IMMP2L: variants seen among roughly 807,000 people sequenced by gnomAD.
IMMP2L encodes inner mitochondrial membrane peptidase subunit 2.
A neutral mutation model predicts 19.3 loss-of-function variants in IMMP2L; 18 were observed. The observed-to-expected ratio is 0.93, with a 90% CI of 0.64 to 1.38. The LOEUF (loss-of-function observed/expected upper bound fraction) is 1.38, where lower values mean the gene tolerates loss of function less well. Ranked by LOEUF, IMMP2L falls within the 40% of genes most tolerant of loss-of-function variation. The probability of loss-of-function intolerance (pLI) is 0.00; values close to 1 mark genes in which losing one functional copy is unlikely to be tolerated. For missense variants in IMMP2L, 233 were observed against 218.2 expected, an observed-to-expected ratio of 1.07 and a Z score of -0.43; for synonymous variants, 76 against 73.0, an observed-to-expected ratio of 1.04 and a Z score of -0.21.
chr7:111,223,589 T>C (rs1445186314), intron 3 of IMMP2L, among the ~76,000 whole-genome samples: 1 of 152,148 alleles, frequency 6.6e-6, no homozygotes, highest in East Asian at 1.9e-4. Flanking sequence ...CAGCCTTTTG[T>C]ATTACTAATC....
At chr7:111,087,744 A>G (rs1055631519) in intron 3 of IMMP2L, among the ~76,000 whole-genome samples, 3 of 152,164 alleles carry the variant, frequency 2.0e-5, no homozygotes, top group African/African-American at 7.2e-5. Context: ...GGTAAGTAAT[A>G]AGAGCGATAA....
intron 3 of IMMP2L, among the ~76,000 whole-genome samples, chr7:111,486,145 A>C (rs1247401528): frequency 6.6e-6 from 1 of 152,200 alleles, no homozygotes; most frequent in African/African-American, 2.4e-5. Context: ...AGAAGCATTT[A>C]ATCCCCCTCC....
chr7:111,143,691 G>A (rs1562848986), intron 3 of IMMP2L, among the ~76,000 whole-genome samples: 1 of 152,116 alleles, frequency 6.6e-6, no homozygotes, highest in Admixed American at 6.6e-5. Context: ...AACTGTAACT[G>A]TGGAAAGGCA....
intron 3 of IMMP2L, among the ~76,000 whole-genome samples, chr7:111,407,103 T>C (rs1218248796): frequency 2.0e-5 from 3 of 151,956 alleles, no homozygotes; most frequent in Admixed American, 1.3e-4. Flanking sequence ...CAAAATAAGA[T>C]ACTACTTTAC....
intron 3 of IMMP2L, among the ~76,000 whole-genome samples, chr7:111,241,290 T>A (rs1486084631): frequency 6.6e-6 from 1 of 152,104 alleles, no homozygotes; most frequent in East Asian, 1.9e-4. Flanking sequence ...TTAAAATAGA[T>A]CTTTACCCAA....
intron 3 of IMMP2L, among the ~76,000 whole-genome samples, chr7:111,175,086 A>C (rs1034870413): frequency 1.3e-5 from 2 of 151,944 alleles, no homozygotes; most frequent in African/African-American, 2.4e-5. Flanking sequence ...ATCAGAAAAA[A>C]CTGCTGTTTT....
At chr7:111,454,974 G>C (rs1839557800) in intron 3 of IMMP2L, among the ~76,000 whole-genome samples, 1 of 151,550 alleles carries the variant, frequency 6.6e-6, no homozygotes, top group South Asian at 2.1e-4. Flanking sequence ...TAAACTTTAA[G>C]ATTTGTCAGG....
rs1792132514 is a variant in IMMP2L at position 111,562,060 on chromosome 7, G to C, written c.-212C>G. 6.6e-6 allele frequency: 1 copy of C among 152,402 alleles called. No individual in the cohort carries two copies. The highest frequency in any genetic ancestry group is 1.5e-5 in the Non-Finnish European group (1 of 68,146). The allele number at this position is 152,402 out of a possible 1,614,324, so 9.4% of individuals were successfully genotyped here. A position where few individuals can be genotyped will look rare whatever the true frequency, so the allele number is the denominator to read the frequency against. ...AGCGCTCCCTCACGGCCAGAGCCGG[G>C]GGCCGGACTAGGCCCCTTTGTGAGG... On this transcript the variant is annotated 5_prime_UTR_variant, in exon 1 of 6. Coordinates refer to ENST00000405709, the MANE Select transcript of IMMP2L (RefSeq NM_032549.4).
chr7:111,273,133 T>C (rs1213780250), intron 3 of IMMP2L, among the ~76,000 whole-genome samples: 1 of 151,816 alleles, frequency 6.6e-6, no homozygotes, highest in East Asian at 1.9e-4. Context: ...AAAAATTCAC[T>C]GGGCATGGTG....
chr7:111,355,490 A>C (rs1417256199), intron 3 of IMMP2L, among the ~76,000 whole-genome samples: 1 of 151,700 alleles, frequency 6.6e-6, no homozygotes, highest in Non-Finnish European at 1.5e-5. Flanking sequence ...TATCCTCTTA[A>C]TTAGTAATTT....
intron 5 of IMMP2L, among the ~76,000 whole-genome samples, chr7:110,882,381 C>G (rs1447914036): frequency 6.8e-6 from 1 of 147,640 alleles, no homozygotes; most frequent in Non-Finnish European, 1.5e-5. Flanking sequence ...CTCTCCCTCT[C>G]TCTCTCTCTT....
intron 3 of IMMP2L, among the ~76,000 whole-genome samples, chr7:111,417,605 C>A (rs1377401858): frequency 6.6e-6 from 1 of 151,724 alleles, no homozygotes; most frequent in African/African-American, 2.4e-5. Context: ...ACGAATGTGT[C>A]CCATGGCAAC....
intron 5 of IMMP2L, among the ~76,000 whole-genome samples, chr7:110,834,576 C>G (rs957398720): frequency 6.6e-6 from 1 of 151,980 alleles, no homozygotes; most frequent in African/African-American, 2.4e-5. Context: ...ACATATATAC[C>G]TCACCATTAT....
chr7:110,794,845 A>G (rs1437887092), intron 5 of IMMP2L, among the ~76,000 whole-genome samples: 1 of 152,066 alleles, frequency 6.6e-6, no homozygotes, highest in Admixed American at 6.6e-5. Context: ...ATATTCATTA[A>G]TAATAATGAA....
At chr7:110,846,742 A>C (rs966056621) in intron 5 of IMMP2L, among the ~76,000 whole-genome samples, 2 of 152,108 alleles carry the variant, frequency 1.3e-5, no homozygotes, top group Non-Finnish European at 2.9e-5. Flanking sequence ...TCCTGTTTTC[A>C]CTTGAAAATA....
intron 2 of IMMP2L, among the ~76,000 whole-genome samples, chr7:111,505,416 TG>T (rs1844783167): frequency 1.3e-5 from 2 of 151,866 alleles, no homozygotes; most frequent in African/African-American, 4.8e-5. Context: ...GTCAGTGTGG[TG>T]ATTCCTCAGG....
In IMMP2L at chr7:110,886,583, G is replaced by A. The variant is rs1170533084; in HGVS notation, c.408+10C>T. 9.4e-6 allele frequency: 14 copies of A among 1,482,628 alleles called. No homozygotes were observed. Among genetic ancestry groups the A allele is most frequent in the Non-Finnish European group, 1.1e-5 (12 of 1,060,856 alleles). 91.8% of individuals were successfully genotyped at this position (1,482,628 alleles called of 1,614,324 possible). A position where few individuals can be genotyped will look rare whatever the true frequency, so the allele number is the denominator to read the frequency against. ...CAATTACATCAACAAGAAGATAAAA[G>A]ATGACTTACCGGCCCAAAAGAATTA... On this transcript the variant is annotated intron_variant, in intron 5 of 5. Transcript: ENST00000405709.
At chr7:111,241,895 T>A (rs1456236110) in intron 3 of IMMP2L, among the ~76,000 whole-genome samples, 2 of 151,944 alleles carry the variant, frequency 1.3e-5, no homozygotes, top group African/African-American at 2.4e-5. Flanking sequence ...TTTGCAGGTA[T>A]TGCTACGGTA....
intron 3 of IMMP2L, among the ~76,000 whole-genome samples, chr7:111,389,477 T>C (rs1228391304): frequency 6.6e-6 from 1 of 151,774 alleles, no homozygotes; most frequent in Non-Finnish European, 1.5e-5. Flanking sequence ...TTTTAGAAAA[T>C]AGTCACTGAA....
Sources: allele counts gnomAD v4.1 joint callset (sites outside exome capture counted in the v4.1 genomes callset), GRCh38; gene constraint gnomAD v4.1.1; transcripts MANE v1.5; gene names NCBI Gene and HGNC (gene_info 2026-07-23, HGNC 2026-07-21).